The following PTPRH variants were observed in gnomAD, a reference collection of about 807,000 sequenced individuals.
The protein encoded by PTPRH is receptor-type tyrosine-protein phosphatase H.
In PTPRH, 113 loss-of-function variants were observed where a neutral mutation model predicts 130.2. That is an observed-to-expected ratio of 0.87 (90% CI 0.75 to 1.01). The LOEUF is 1.01. Among genes scored for constraint, PTPRH ranks in the 50% least tolerant of loss-of-function variants. The probability of loss-of-function intolerance (pLI) is 0.00; values close to 1 mark genes in which losing one functional copy is unlikely to be tolerated. For synonymous variants in PTPRH, 556 were observed against 577.9 expected, an observed-to-expected ratio of 0.96 and a Z score of 0.54; for missense variants, 1,430 against 1,425.0, an observed-to-expected ratio of 1.00 and a Z score of -0.06.
intron 6 of PTPRH, among the ~76,000 whole-genome samples, chr19:55,201,007 G>C (rs1052103496): frequency 2.6e-5 from 4 of 152,020 alleles, no homozygotes; most frequent in Non-Finnish European, 4.4e-5. Flanking sequence ...AGCATTAAGA[G>C]GTAGGGCCCT....
In PTPRH at chr19:55,191,613, T is replaced by C. The variant is rs565269971; in HGVS notation, c.2336+50A>G. The C allele has an allele frequency of 3.1e-5, 50 of 1,611,828 alleles. 1 individual carries two copies. In the South Asian group the frequency reaches 4.3e-4, roughly 14 times the overall value. ...GGCTGCAACCAGCGGTCCTCCTCCTTCTTCTCCAGCCCCCACCCTCCAGGC... is the reference window on the plus strand; with the variant it reads ...GGCTGCAACCAGCGGTCCTCCTCCTCCTTCTCCAGCCCCCACCCTCCAGGC... On this transcript the variant is annotated intron_variant, in intron 11 of 19. Transcript: ENST00000376350.
intron 5 of PTPRH, 53 bp downstream of exon 5, chr19:55,203,729 C>T: frequency 1.3e-6 from 2 of 1,549,954 alleles, no homozygotes; most frequent in Middle Eastern, 1.8e-4. Flanking sequence ...CCAACCACCC[C>T]CTACCACTGT....
rs551418573 is a variant in PTPRH at position 55,190,262 on chromosome 19, C to T, written c.2384+1239G>A. On this transcript the variant is annotated intron_variant, in intron 12 of 19. Coordinates refer to ENST00000376350, the MANE Select transcript of PTPRH (RefSeq NM_002842.5). Reference sequence around the variant, plus strand: ...GTGCATGCCTGTATTCCCAGCTACTCGGGAGGCTGAGGCAGTAGAATTGCT... The same window carrying T: ...GTGCATGCCTGTATTCCCAGCTACTTGGGAGGCTGAGGCAGTAGAATTGCT... Among the ~76,000 whole-genome samples the T allele has an allele frequency of 7.4e-5, 11 of 148,222 alleles. No homozygotes were observed. In the East Asian group the frequency reaches 1.2e-3, roughly 16 times the overall value.
intron 13 of PTPRH, 115 bp from the exon 14 acceptor site, chr19:55,187,718 C>A (rs765300200): frequency 5.3e-5 from 40 of 753,084 alleles, no homozygotes; most frequent in South Asian, 2.5e-4. Context: ...TTCGTTGCAC[C>A]CTGAGATTAT....
Position 55,202,003 on chromosome 19 carries a change from C to T in PTPRH, c.1153+53G>A, listed in dbSNP as rs1454304425. 28 of 1,598,036 alleles carry T rather than the reference C, an allele frequency of 1.8e-5. No homozygotes were observed. In the South Asian group the frequency reaches 2.7e-4, roughly 16 times the overall value. On this transcript the variant is annotated intron_variant, in intron 6 of 19. Coordinates refer to ENST00000376350, the MANE Select transcript of PTPRH (RefSeq NM_002842.5). ...ATAGACAATCGTCTACATTCTACTG[C>T]TTACTGTCCCTTAAACAAATAAGAG...
At chr19:55,189,064 C>T (rs2086449390) in intron 12 of PTPRH, among the ~76,000 whole-genome samples, 1 of 152,214 alleles carries the variant, frequency 6.6e-6, no homozygotes, top group Non-Finnish European at 1.5e-5. Flanking sequence ...CAGCTCACTG[C>T]AACCTCAGCC....
intron 10 of PTPRH, chr19:55,192,021 T>C: frequency 1.7e-6 from 1 of 580,034 alleles, no homozygotes. Flanking sequence ...TTTATGATGA[T>C]CTACTTAATA....
chr19:55,205,265 G>A lies in PTPRH; in HGVS notation c.619+61C>T, dbSNP rs1029864853. 30 of 1,600,136 alleles carry A rather than the reference G, an allele frequency of 1.9e-5. 1 individual carries two copies. Among genetic ancestry groups the A allele is most frequent in the Middle Eastern group, 1.7e-4 (1 of 6,018 alleles). On this transcript the variant is annotated intron_variant, in intron 4 of 19. Coordinates refer to ENST00000376350, the MANE Select transcript of PTPRH (RefSeq NM_002842.5). ...GGACTATGGAATAGAAATCCGCTACGTTCTCCTGCCTACTGCCCCTTAAAC... is the reference window on the plus strand; with the variant it reads ...GGACTATGGAATAGAAATCCGCTACATTCTCCTGCCTACTGCCCCTTAAAC...
intron 9 of PTPRH, 68 bp from the exon 10 acceptor site, chr19:55,196,856 C>T (rs2086698406): frequency 2.6e-6 from 4 of 1,551,628 alleles, no homozygotes; most frequent in African/African-American, 1.4e-5. Context: ...CACCCCTACC[C>T]CCAGTTTTCT....
In PTPRH at chr19:55,198,638, C is replaced by G; in HGVS notation, c.1690+5G>C. 1 of 1,596,668 alleles carries G rather than the reference C, an allele frequency of 6.3e-7. No homozygotes were observed. The highest frequency in any genetic ancestry group is 8.6e-7 in the Non-Finnish European group (1 of 1,169,580). On this transcript the variant is annotated splice_donor_5th_base_variant and intron_variant, in intron 8 of 19. Transcript: ENST00000376350. ...GGGCTGGGTTCAGAACCGACTGTGT[C>G]TCACCAGTGGCTGCAGTGAGGGTGC...
Position 55,191,491 on chromosome 19 carries a change from T to A in PTPRH, c.2384+10A>T. 1 of 1,614,018 alleles carries A rather than the reference T, an allele frequency of 6.2e-7. No individual in the cohort carries two copies. Among genetic ancestry groups the A allele is most frequent in the East Asian group, 2.2e-5 (1 of 44,872 alleles). On this transcript the variant is annotated intron_variant, in intron 12 of 19. Coordinates refer to ENST00000376350, the MANE Select transcript of PTPRH (RefSeq NM_002842.5). ...TTCTTTCCAATGCACCCCCCAGACC[T>A]TCTGCTCACCTAAAGACCAGATCCC...
intron 10 of PTPRH, among the ~76,000 whole-genome samples, chr19:55,195,678 A>G (rs1160533631): frequency 6.6e-6 from 1 of 152,134 alleles, no homozygotes; most frequent in Non-Finnish European, 1.5e-5. Context: ...GGCTCAAGTG[A>G]TCCTTCTGAC....
In PTPRH at chr19:55,209,197, C is replaced by T. The variant is rs182351294; in HGVS notation, c.51+186G>A. Among the ~76,000 whole-genome samples the T allele has an allele frequency of 3.5e-4, 53 of 152,138 alleles. No individual in the cohort carries two copies. Among genetic ancestry groups the T allele is most frequent in the Non-Finnish European group, 8.8e-5 (6 of 67,972 alleles). On this transcript the variant is annotated intron_variant, in intron 1 of 19. Transcript: ENST00000376350. The surrounding 1 kb of genome is among the most constrained non-coding windows in gnomAD (Gnocchi z 4.1). Reference sequence around the variant, plus strand: ...AAGCTGGTGTCCCCCGCAGCAGACACGACAGTATCTAAGAGCCCAGGTGTA... The same window carrying T: ...AAGCTGGTGTCCCCCGCAGCAGACATGACAGTATCTAAGAGCCCAGGTGTA...
intron 6 of PTPRH, among the ~76,000 whole-genome samples, chr19:55,201,675 C>A (rs1232754159): frequency 2.0e-5 from 3 of 152,192 alleles, no homozygotes. Flanking sequence ...GAGTTTCCAT[C>A]CTCAATATGT....
At chr19:55,200,985 C>A (rs1447760281) in intron 6 of PTPRH, among the ~76,000 whole-genome samples, 1 of 151,456 alleles carries the variant, frequency 6.6e-6, no homozygotes. Context: ...AAATAAAAAT[C>A]TCCAATGGAA....
chr19:55,193,922 C>T (rs556801902), intron 10 of PTPRH: 25 of 282,216 alleles, frequency 8.9e-5, no homozygotes, highest in Non-Finnish European at 1.3e-4. Flanking sequence ...AATCCCGGCT[C>T]ACCGCAACCT....
intron 8 of PTPRH, among the ~76,000 whole-genome samples, chr19:55,198,329 G>C (rs914373115): frequency 6.6e-6 from 1 of 152,142 alleles, no homozygotes; most frequent in Non-Finnish European, 1.5e-5. Context: ...TAATTCCCTG[G>C]GACCAGCTGT....
Position 55,185,535 on chromosome 19 carries a change from G to C in PTPRH, c.3029C>G (p.Thr1010Ser). ...CACAATGGGTGGGCCTCCCTCCATG[G>C]TCTGATCCAGCCACTGCCGAAGCAT... Reference protein sequence around the residue: ...WRMLRQWLDQTMEGGPPIVHC... With the variant: ...WRMLRQWLDQSMEGGPPIVHC... The change falls in exon 18 of 20, where the codon ACC (threonine) becomes AGC (serine). Residue 1010 changes from threonine (T) to serine (S), a missense_variant. Transcript: ENST00000376350. The C allele has an allele frequency of 1.9e-6, 3 of 1,614,136 alleles. No individual in the cohort carries two copies. Among genetic ancestry groups the C allele is most frequent in the Non-Finnish European group, 2.5e-6 (3 of 1,180,022 alleles).
chr19:55,203,396 T>TTTCCTTCCTTCC (rs112722502), intron 5 of PTPRH, among the ~76,000 whole-genome samples: 5 of 141,576 alleles, frequency 3.5e-5, no homozygotes, highest in Non-Finnish European at 6.0e-5. Context: ...AGTTTCTTTC[T>TTTCCTTCCTTCC]TTCCTTCCTT....
Sources: gnomAD v4.1 joint callset for allele counts (sites outside exome capture counted in the v4.1 genomes callset) on GRCh38, gnomAD v4.1.1 for gene constraint, Gnocchi (gnomAD v3.1) non-coding constraint, MANE v1.5 for transcripts, NCBI Gene and HGNC (gene_info 2026-07-23, HGNC 2026-07-21) for gene names.